PCDHA5: variants seen among roughly 807,000 people sequenced by gnomAD.
The protein encoded by PCDHA5 is protocadherin alpha-5.
In PCDHA5, 43 loss-of-function variants were observed where a neutral mutation model predicts 61.6. The ratio of observed to expected loss-of-function variants is 0.70; its 90% CI spans 0.55 to 0.90. The LOEUF is 0.90. Among genes scored for constraint, PCDHA5 ranks in the 40% least tolerant of loss-of-function variants. The pLI is 0.00. For synonymous variants in PCDHA5, 627 were observed against 543.9 expected, an observed-to-expected ratio of 1.15 and a Z score of -2.13; for missense variants, 1,298 against 1,222.7, an observed-to-expected ratio of 1.06 and a Z score of -0.92.
chr5:140,993,509 C>CAT (rs1488940144), intron 3 of PCDHA5, among the ~76,000 whole-genome samples: 3 of 143,600 alleles, frequency 2.1e-5, no homozygotes, highest in African/African-American at 7.8e-5. Flanking sequence ...CACACACACA[C>CAT]GGGGAGAGAG....
At chr5:140,868,925 T>C (rs558364822) in intron 1 of PCDHA5, 1 of 1,048,896 alleles carries the variant, frequency 9.5e-7, no homozygotes. Flanking sequence ...GAAAGTTCAT[T>C]TAAAGGTTGG....
intron 1 of PCDHA5, chr5:140,859,996 T>A (rs181986889): frequency 4.7e-4 from 71 of 152,116 alleles, no homozygotes; most frequent in Non-Finnish European, 8.7e-4. Context: ...TCTCCATCAA[T>A]ACTAACTTAA....
chr5:140,908,455 A>G (rs1425485479), intron 1 of PCDHA5, among the ~76,000 whole-genome samples: 7 of 152,178 alleles, frequency 4.6e-5, no homozygotes, highest in South Asian at 4.1e-4. Flanking sequence ...GGCTAGATGG[A>G]TCAGAAAGCA....
chr5:140,873,592 T>A (rs936003894), intron 1 of PCDHA5, among the ~76,000 whole-genome samples: 3 of 152,234 alleles, frequency 2.0e-5, no homozygotes, highest in African/African-American at 7.2e-5. Flanking sequence ...TAAGCTAAAC[T>A]TAGATGTTCC....
At chr5:140,842,923 G>C in intron 1 of PCDHA5, 1 of 1,594,642 alleles carries the variant, frequency 6.3e-7, no homozygotes, top group Non-Finnish European at 8.6e-7. Context: ...TGCAGTTCCA[G>C]GTGAGCGCGC....
chr5:140,922,939 T>C (rs1206981483), intron 1 of PCDHA5, among the ~76,000 whole-genome samples: 1 of 152,172 alleles, frequency 6.6e-6, no homozygotes, highest in Non-Finnish European at 1.5e-5. Flanking sequence ...CTTCCAGCAA[T>C]GGAAATCCAG....
At chr5:140,958,586 T>A (rs561856247) in intron 1 of PCDHA5, among the ~76,000 whole-genome samples, 11 of 152,266 alleles carry the variant, frequency 7.2e-5, no homozygotes, top group African/African-American at 2.6e-4. Flanking sequence ...TAAATGAGCT[T>A]ATGATAATTG....
intron 1 of PCDHA5, among the ~76,000 whole-genome samples, chr5:140,963,607 G>A (rs558578531): frequency 2.0e-5 from 3 of 152,306 alleles, no homozygotes; most frequent in Non-Finnish European, 4.4e-5. Context: ...GACGTAATTG[G>A]GAAAGCTTAA....
intron 1 of PCDHA5, chr5:140,853,957 G>T: frequency 2.7e-6 from 2 of 736,982 alleles, no homozygotes; most frequent in Non-Finnish European, 3.4e-6. Context: ...TCCCTTCCTT[G>T]AGCCCAGCAG....
chr5:140,901,681 T>C (rs144868677), intron 1 of PCDHA5, among the ~76,000 whole-genome samples: 8 of 152,316 alleles, frequency 5.3e-5, no homozygotes, highest in African/African-American at 1.7e-4. Context: ...TTAGGTATTA[T>C]GGGTATTTTG....
At chr5:140,977,816 T>C (rs2096776197) in intron 1 of PCDHA5, among the ~76,000 whole-genome samples, 1 of 152,190 alleles carries the variant, frequency 6.6e-6, no homozygotes, top group Non-Finnish European at 1.5e-5. Flanking sequence ...TTATTGACAG[T>C]TTTGAATGGT....
chr5:140,853,755 C>A, intron 1 of PCDHA5: 3 of 988,492 alleles, frequency 3.0e-6, no homozygotes, highest in Non-Finnish European at 3.7e-6. Flanking sequence ...CAAGGCTCCA[C>A]CTCAGAAATT....
intron 1 of PCDHA5, among the ~76,000 whole-genome samples, chr5:140,913,558 G>C (rs1042223174): frequency 2.6e-5 from 4 of 151,668 alleles, no homozygotes; most frequent in African/African-American, 4.8e-5. Flanking sequence ...TTGATCTCTT[G>C]TATTTTCATC....
intron 1 of PCDHA5, chr5:140,867,710 G>A (rs2050114623): frequency 6.6e-6 from 1 of 151,674 alleles, no homozygotes; most frequent in Non-Finnish European, 1.5e-5. Context: ...AAATCCTAAG[G>A]GTATATGAAA....
chr5:140,988,152 C>G (rs2153871090), intron 3 of PCDHA5, among the ~76,000 whole-genome samples: 1 of 152,258 alleles, frequency 6.6e-6, no homozygotes, highest in East Asian at 1.9e-4. Flanking sequence ...ACCTCAACTT[C>G]TGCCGTTGTC....
intron 1 of PCDHA5, among the ~76,000 whole-genome samples, chr5:140,935,413 T>C (rs1011900671): frequency 1.3e-5 from 2 of 152,246 alleles, no homozygotes; most frequent in Non-Finnish European, 2.9e-5. Flanking sequence ...ACAATGGACT[T>C]AGAAAACAAT....
rs781893809 is a variant in PCDHA5 at position 140,883,492 on chromosome 5, G to T, written c.2352+59365G>T. On this transcript the variant is annotated intron_variant, in intron 1 of 3. Transcript: ENST00000529859. ...CCTACAAGAACTACTACTCATTAGT[G>T]CTGGACAGCGCCCTGGACCGCGAGA... The T allele has an allele frequency of 4.3e-5, 69 of 1,614,058 alleles. 1 individual carries two copies. In the South Asian group the frequency reaches 7.5e-4, roughly 17 times the overall value.
At chr5:140,965,893 C>G (rs1173111476) in intron 1 of PCDHA5, among the ~76,000 whole-genome samples, 1 of 152,226 alleles carries the variant, frequency 6.6e-6, no homozygotes, top group Non-Finnish European at 1.5e-5. Context: ...AGAATTGAGT[C>G]TTGGATCCCA....
Position 141,010,222 on chromosome 5 carries a change from C to T in PCDHA5, c.*285C>T. 6.4e-7 allele frequency: 1 copy of T among 1,551,730 alleles called. No homozygotes were observed. The highest frequency in any genetic ancestry group is 2.4e-5 in the East Asian group (1 of 40,912). ...CCTCCGCCGCAAAGGAGAGGCTTCC[C>T]AGCCCCGCCAGTGAGAGGTTGGACT... On this transcript the variant is annotated 3_prime_UTR_variant, in exon 4 of 4. Transcript: ENST00000529859.
Sources: gnomAD v4.1 joint callset for allele counts (sites outside exome capture counted in the v4.1 genomes callset) on GRCh38, gnomAD v4.1.1 for gene constraint, MANE v1.5 for transcripts, NCBI Gene and HGNC (gene_info 2026-07-23, HGNC 2026-07-21) for gene names.